Variants in GABRB1 observed in about 807,000 individuals in gnomAD.
The protein encoded by GABRB1 is gamma-aminobutyric acid type A receptor subunit beta1, also known as gamma-aminobutyric acid receptor subunit beta-1.
A neutral mutation model predicts 51.6 loss-of-function variants in GABRB1; 17 were observed. That is an observed-to-expected ratio of 0.33 (90% CI 0.23 to 0.49). The LOEUF is 0.49. Among genes scored for constraint, GABRB1 ranks in the 20% least tolerant of loss-of-function variants. The pLI is 0.99. For synonymous variants in GABRB1, 247 were observed against 218.9 expected, an observed-to-expected ratio of 1.13 and a Z score of -1.14; for missense variants, 410 against 600.6, an observed-to-expected ratio of 0.68 and a Z score of 3.32.
chr4:47,058,597 G>T lies in GABRB1; in HGVS notation c.240+26113G>T, dbSNP rs561426706. Among the ~76,000 whole-genome samples, 16 of 152,230 alleles carry T rather than the reference G, an allele frequency of 1.1e-4. 1 individual carries two copies. The South Asian group carries it at 2.3e-3, about 22-fold the overall frequency. ...TAGATTACCCAGGAATGTTTAAACC[G>T]TGCCCCCTTGGATTTCCGCAGAGGT... is the stretch of plus-strand genomic sequence containing the variant. On this transcript the variant is annotated intron_variant, in intron 3 of 8. Coordinates refer to ENST00000295454, the MANE Select transcript of GABRB1 (RefSeq NM_000812.4).
chr4:47,003,484 A>G (rs1307505549), intron 1 of GABRB1, among the ~76,000 whole-genome samples: 1 of 152,240 alleles, frequency 6.6e-6, no homozygotes, highest in African/African-American at 2.4e-5. Context: ...GAAATAAATA[A>G]CAATATTTTA....
At chr4:47,104,506 TTCTCTCTCTC>T (rs3050703) in intron 3 of GABRB1, among the ~76,000 whole-genome samples, 2 of 148,970 alleles carry the variant, frequency 1.3e-5, no homozygotes, top group South Asian at 2.1e-4. Context: ...TCCTGCTGTC[TTCTCTCTCTC>T]TCTCTCTCTC....
chr4:47,027,817 C>T (rs1007291466), upstream of GABRB1, among the ~76,000 whole-genome samples: 1 of 151,588 alleles, frequency 6.6e-6, no homozygotes, highest in African/African-American at 2.4e-5. Context: ...TCATACTTTT[C>T]TAACAATGAG....
chr4:47,277,298 G>A (rs777470212), intron 4 of GABRB1, among the ~76,000 whole-genome samples: 1 of 152,006 alleles, frequency 6.6e-6, no homozygotes, highest in Non-Finnish European at 1.5e-5. Context: ...CTTATTTGTG[G>A]AATCATAAAT....
intron 4 of GABRB1, among the ~76,000 whole-genome samples, chr4:47,304,686 G>A (rs975834325): frequency 1.3e-5 from 2 of 151,988 alleles, no homozygotes; most frequent in African/African-American, 4.8e-5. Context: ...GATATTTGAA[G>A]TACAAATTGG....
intron 5 of GABRB1, among the ~76,000 whole-genome samples, chr4:47,396,992 T>C (rs1728198849): frequency 6.6e-6 from 1 of 152,130 alleles, no homozygotes; most frequent in African/African-American, 2.4e-5. Context: ...CTCATTAAGG[T>C]TTTTGTCTTT....
chr4:47,120,042 A>G (rs1407310351), intron 3 of GABRB1, among the ~76,000 whole-genome samples: 4 of 152,208 alleles, frequency 2.6e-5, no homozygotes, highest in Non-Finnish European at 5.9e-5. Context: ...GATGTTGCTG[A>G]AAAACTGGAT....
chr4:47,195,502 GA>G (rs1719650885), intron 4 of GABRB1, among the ~76,000 whole-genome samples: 1 of 144,390 alleles, frequency 6.9e-6, no homozygotes, highest in African/African-American at 2.6e-5. Context: ...TAGATAGATA[GA>G]TAGAATAAAA....
At chr4:47,383,947 C>T (rs1020110549) in intron 5 of GABRB1, among the ~76,000 whole-genome samples, 1 of 152,074 alleles carries the variant, frequency 6.6e-6, no homozygotes, top group Non-Finnish European at 1.5e-5. Context: ...ATCATGAAAA[C>T]CTAAAACTCC....
At chr4:47,028,905 A>T (rs1443522721), upstream of GABRB1, among the ~76,000 whole-genome samples, 1 of 149,834 alleles carries the variant, frequency 6.7e-6, no homozygotes, top group East Asian at 1.9e-4. Flanking sequence ...TGTACATAAT[A>T]TATCTTTTGG....
At chr4:47,182,682 A>G (rs1719002134) in intron 4 of GABRB1, among the ~76,000 whole-genome samples, 1 of 152,130 alleles carries the variant, frequency 6.6e-6, no homozygotes, top group Non-Finnish European at 1.5e-5. Flanking sequence ...CTCTGCTGAC[A>G]AAGTTCAAAT....
intron 4 of GABRB1, among the ~76,000 whole-genome samples, chr4:47,260,737 A>G (rs1722398385): frequency 6.6e-6 from 1 of 152,074 alleles, no homozygotes; most frequent in Admixed American, 6.6e-5. Flanking sequence ...CCGGGCAGAG[A>G]CACAACCAAA....
chr4:47,294,399 A>T (rs1460233336), intron 4 of GABRB1, among the ~76,000 whole-genome samples: 3 of 152,176 alleles, frequency 2.0e-5, no homozygotes, highest in Non-Finnish European at 4.4e-5. Context: ...GGTCACTCCC[A>T]CCCTAATACT....
At chr4:47,110,896 T>C (rs1271840505) in intron 3 of GABRB1, among the ~76,000 whole-genome samples, 1 of 152,208 alleles carries the variant, frequency 6.6e-6, no homozygotes, top group East Asian at 1.9e-4. Context: ...CCAGGGACTT[T>C]TTAACCTATA....
chr4:47,012,823 G>T (rs1457470778), intron 1 of GABRB1, among the ~76,000 whole-genome samples: 2 of 152,112 alleles, frequency 1.3e-5, no homozygotes, highest in African/African-American at 2.4e-5. Context: ...AACCATCTTA[G>T]CTAAGAAGTA....
intron 4 of GABRB1, among the ~76,000 whole-genome samples, chr4:47,299,571 A>T (rs1261482580): frequency 6.6e-6 from 1 of 152,204 alleles, no homozygotes; most frequent in Non-Finnish European, 1.5e-5. Context: ...AATGACCATC[A>T]TTCAAAAGTC....
chr4:47,270,737 C>T (rs770499636), intron 4 of GABRB1, among the ~76,000 whole-genome samples: 2 of 145,312 alleles, frequency 1.4e-5, no homozygotes, highest in Non-Finnish European at 3.0e-5. Context: ...AATAACCTTT[C>T]AGTATAGGCA....
intron 4 of GABRB1, among the ~76,000 whole-genome samples, chr4:47,235,615 T>C (rs1721305654): frequency 6.6e-6 from 1 of 151,630 alleles, no homozygotes; most frequent in African/African-American, 2.4e-5. Context: ...TTTGGGAAGA[T>C]AGAAGACTAA....
intron 3 of GABRB1, among the ~76,000 whole-genome samples, chr4:47,082,241 C>T (rs1727881212): frequency 6.6e-6 from 1 of 151,778 alleles, no homozygotes; most frequent in Non-Finnish European, 1.5e-5. Context: ...TTAAAAGAAA[C>T]TTTATATCAC....
Sources: allele counts gnomAD v4.1 joint callset (sites outside exome capture counted in the v4.1 genomes callset), GRCh38; gene constraint gnomAD v4.1.1; transcripts MANE v1.5; gene names NCBI Gene and HGNC (gene_info 2026-07-23, HGNC 2026-07-21).